Variants in NRXN3 observed in about 807,000 individuals in gnomAD.
NRXN3 encodes the protein neurexin 3.
A neutral mutation model predicts 137.6 loss-of-function variants in NRXN3; 32 were observed. The ratio of observed to expected loss-of-function variants is 0.23; its 90% confidence interval spans 0.18 to 0.31. The LOEUF is 0.31. NRXN3 is among the 10% of genes least tolerant of loss of function. The pLI is 1.00. For synonymous variants in NRXN3, 798 were observed against 784.5 expected (o/e 1.02, Z -0.29); for missense variants, 1,574 against 2,062.5 (o/e 0.76, Z 4.59).
At chr14:78,181,891 A>G (rs1022981138) in intron 1 of NRXN3, among the ~76,000 whole-genome samples, 6 of 152,140 alleles carry the variant, frequency 3.9e-5, no homozygotes, top group Admixed American at 3.9e-4. Flanking sequence ...TCCAGCAGAT[A>G]TTTATTAAAC....
chr14:78,255,501 G>A (rs757502999), intron 2 of NRXN3, among the ~76,000 whole-genome samples: 6 of 152,174 alleles, frequency 3.9e-5, no homozygotes, highest in South Asian at 2.1e-4. Context: ...TTTTTTCCTC[G>A]TGTAGAATAT....
rs76238975 is a variant in NRXN3 at position 79,161,876 on chromosome 14, A to G, written c.3262+173735A>G. 4.1e-3 allele frequency among the ~76,000 whole-genome samples: 618 copies of G among 151,954 alleles called. 6 individuals carry two copies. Among genetic ancestry groups the G allele is most frequent in the African/African-American group, 0.014 (578 of 41,496 alleles). On this transcript the variant is annotated intron_variant, in intron 15 of 20. Transcript: ENST00000335750. ...GCCTGCACTGACTTTAACAATAAAGATACTGGAATAATGAGATCCCATGGA... is the reference window on the plus strand; with the variant it reads ...GCCTGCACTGACTTTAACAATAAAGGTACTGGAATAATGAGATCCCATGGA...
chr14:78,891,869 C>T (rs557741264), intron 10 of NRXN3, among the ~76,000 whole-genome samples: 12 of 152,028 alleles, frequency 7.9e-5, no homozygotes, highest in South Asian at 2.1e-4. Flanking sequence ...AAGCAATAGG[C>T]GCACACACAT....
At chr14:79,533,856 C>A (rs988645557) in intron 16 of NRXN3, among the ~76,000 whole-genome samples, 1 of 152,152 alleles carries the variant, frequency 6.6e-6, no homozygotes, top group Non-Finnish European at 1.5e-5. Flanking sequence ...TTCTCAGTAA[C>A]CAGAGCTAAG....
rs373299772 is a variant in NRXN3, at chr14:78,523,195, G to C, written c.758-121925G>C. Reference sequence around the variant, plus strand: ...TCTGGAGTGCTCTGAGGGATCAGTTGGTTGGCCAACAAATACCATTTGTGC... The same window carrying C: ...TCTGGAGTGCTCTGAGGGATCAGTTCGTTGGCCAACAAATACCATTTGTGC... On this transcript the variant is annotated intron_variant, in intron 4 of 20. Coordinates refer to ENST00000335750, the MANE Select transcript of NRXN3 (RefSeq NM_001330195.2). 4.6e-5 allele frequency among the ~76,000 whole-genome samples: 7 copies of C among 152,228 alleles called. No homozygotes were observed. In the East Asian group the frequency reaches 5.8e-4, roughly 13 times the overall value.
At chr14:78,645,896 T>C (rs2097682573) in intron 5 of NRXN3, among the ~76,000 whole-genome samples, 1 of 152,166 alleles carries the variant, frequency 6.6e-6, no homozygotes, top group African/African-American at 2.4e-5. Flanking sequence ...AAAGTCTTCC[T>C]TTTCCTCTTT....
At position 79,073,733 on chromosome 14, in the gene NRXN3, A is replaced by T. The variant is rs535863274; in HGVS notation, c.3262+85592A>T. On this transcript the variant is annotated intron_variant, in intron 15 of 20. Transcript: ENST00000335750. ...TTTCTATCCATTTTTTTCTATCTGCACATGGCTGTTGATATTCCTTCACTG... is the reference window on the plus strand; with the variant it reads ...TTTCTATCCATTTTTTTCTATCTGCTCATGGCTGTTGATATTCCTTCACTG... Among the ~76,000 whole-genome samples the T allele has an allele frequency of 9.8e-5, 15 of 152,344 alleles. 1 individual carries two copies. The South Asian group carries it at 2.1e-3, about 21-fold the overall frequency.
intron 15 of NRXN3, among the ~76,000 whole-genome samples, chr14:79,371,117 A>C (rs2153434561): frequency 6.6e-6 from 1 of 152,318 alleles, no homozygotes; most frequent in South Asian, 2.1e-4. Context: ...CAGTAGAAAA[A>C]GAATATGGCA....
chr14:79,181,130 A>G (rs1199843477), intron 15 of NRXN3, among the ~76,000 whole-genome samples: 1 of 151,782 alleles, frequency 6.6e-6, no homozygotes, highest in Non-Finnish European at 1.5e-5. Context: ...TAAAAGTATG[A>G]ACTTGGTCTA....
At chr14:79,279,494 A>G (rs1444262612) in intron 15 of NRXN3, 13 of 985,718 alleles carry the variant, frequency 1.3e-5, no homozygotes, top group Non-Finnish European at 1.2e-5. Context: ...GATTTCGCCC[A>G]CCCACCTCCC....
chr14:78,620,491 G>A (rs2097392472), intron 4 of NRXN3, among the ~76,000 whole-genome samples: 1 of 152,140 alleles, frequency 6.6e-6, no homozygotes, highest in African/African-American at 2.4e-5. Flanking sequence ...ATGCCCAGTT[G>A]GTGGCTACGA....
At chr14:79,618,012 T>G (rs2098180278) in intron 16 of NRXN3, among the ~76,000 whole-genome samples, 1 of 151,408 alleles carries the variant, frequency 6.6e-6, no homozygotes, top group African/African-American at 2.4e-5. Context: ...CTTACTTCTT[T>G]CTTCTACTGA....
intron 15 of NRXN3, among the ~76,000 whole-genome samples, chr14:79,334,628 A>C (rs2092096874): frequency 6.6e-6 from 1 of 152,226 alleles, no homozygotes; most frequent in African/African-American, 2.4e-5. Flanking sequence ...TTTTAAAATC[A>C]TCTTGGCGGC....
chr14:79,627,725 T>C (rs1031677087), intron 16 of NRXN3, among the ~76,000 whole-genome samples: 1 of 152,192 alleles, frequency 6.6e-6, no homozygotes, highest in East Asian at 1.9e-4. Context: ...AACCTCATCT[T>C]TAAAGTTCAG....
intron 15 of NRXN3, among the ~76,000 whole-genome samples, chr14:79,158,922 T>C (rs2060501443): frequency 6.6e-6 from 1 of 151,838 alleles, no homozygotes; most frequent in Non-Finnish European, 1.5e-5. Flanking sequence ...GGTTGCCTAA[T>C]TATTTCCCAT....
At chr14:79,364,795 A>G (rs1282475558) in intron 15 of NRXN3, among the ~76,000 whole-genome samples, 2 of 152,190 alleles carry the variant, frequency 1.3e-5, no homozygotes, top group African/African-American at 4.8e-5. Context: ...GAGTTCATAA[A>G]TCTTCAGGTG....
chr14:79,121,480 G>A (rs182598654), intron 15 of NRXN3, among the ~76,000 whole-genome samples: 14 of 152,304 alleles, frequency 9.2e-5, no homozygotes, highest in Admixed American at 3.9e-4. Context: ...ACTGCCATGC[G>A]ATTTCTTCTA....
At chr14:78,501,977 T>G (rs2095885819) in intron 4 of NRXN3, among the ~76,000 whole-genome samples, 1 of 152,122 alleles carries the variant, frequency 6.6e-6, no homozygotes, top group South Asian at 2.1e-4. Context: ...ACCCTGGATC[T>G]CCTATAACAG....
chr14:78,218,658 G>A (rs1036369680), intron 1 of NRXN3, among the ~76,000 whole-genome samples: 1 of 152,204 alleles, frequency 6.6e-6, no homozygotes, highest in African/African-American at 2.4e-5. Context: ...CTAATTCATA[G>A]CATCTGTAAG....
Sources: allele counts gnomAD v4.1 joint callset (sites outside exome capture counted in the v4.1 genomes callset), GRCh38; gene constraint gnomAD v4.1.1; transcripts MANE v1.5; gene names NCBI Gene and HGNC (gene_info 2026-07-23, HGNC 2026-07-21).